Variants in ADAMTS6 observed in about 807,000 individuals in gnomAD.
The protein encoded by ADAMTS6 is A disintegrin and metalloproteinase with thrombospondin motifs 6.
Under a neutral mutation model 144.3 loss-of-function variants are expected in ADAMTS6, and 23 were observed. The observed-to-expected ratio is 0.16, with a 90% CI of 0.11 to 0.23. The LOEUF (loss-of-function observed/expected upper bound fraction) is 0.23, where lower values mean the gene tolerates loss of function less well. Among genes scored for constraint, ADAMTS6 ranks in the 10% least tolerant of loss-of-function variants. The pLI, the probability that ADAMTS6 is intolerant of heterozygous loss-of-function variation, is 1.00. For synonymous variants in ADAMTS6, 444 were observed against 457.5 expected (o/e 0.97, Z 0.38); for missense variants, 999 against 1,379.6 (o/e 0.72, Z 4.37).
chr5:65,434,415 T>C (rs1166908686), intron 7 of ADAMTS6, among the ~76,000 whole-genome samples: 1 of 152,210 alleles, frequency 6.6e-6, no homozygotes, highest in African/African-American at 2.4e-5. Flanking sequence ...AATTATACAA[T>C]TCACTCAGGC....
At chr5:65,253,947 C>T (rs930233082) in intron 14 of ADAMTS6, among the ~76,000 whole-genome samples, 1 of 149,618 alleles carries the variant, frequency 6.7e-6, no homozygotes, top group Non-Finnish European at 1.5e-5. Flanking sequence ...CCCACTCAAG[C>T]AATCCTCCCA....
chr5:65,461,267 G>C (rs1011397121), intron 3 of ADAMTS6, among the ~76,000 whole-genome samples: 1 of 152,138 alleles, frequency 6.6e-6, no homozygotes, highest in Non-Finnish European at 1.5e-5. Context: ...ACACTGCTTT[G>C]TTACATCTCA....
intron 9 of ADAMTS6, among the ~76,000 whole-genome samples, chr5:65,328,191 T>C (rs986053286): frequency 7.2e-5 from 11 of 152,202 alleles, no homozygotes; most frequent in Admixed American, 3.3e-4. Flanking sequence ...TAAAATTTGA[T>C]TGCAATTTTG....
At chr5:65,445,027 A>G (rs1212140896) in intron 7 of ADAMTS6, among the ~76,000 whole-genome samples, 4 of 152,218 alleles carry the variant, frequency 2.6e-5, no homozygotes, top group Non-Finnish European at 5.9e-5. Context: ...ACATACATCA[A>G]TACATCCATA....
chr5:65,389,309 C>CA (rs1752726484), intron 7 of ADAMTS6, among the ~76,000 whole-genome samples: 1 of 152,126 alleles, frequency 6.6e-6, no homozygotes, highest in African/African-American at 2.4e-5. Flanking sequence ...TACTAAGCCT[C>CA]AGAGAAACCT....
In ADAMTS6 at chr5:65,468,365, G is replaced by A. The variant is rs77616014; in HGVS notation, c.462+2413C>T. On this transcript the variant is annotated intron_variant, in intron 3 of 24. Coordinates refer to ENST00000381055, the MANE Select transcript of ADAMTS6 (RefSeq NM_197941.4). ...TTTGATTAAAAATGTAACATCCATA[G>A]GAGGTGGAGGTTGCAGTGAGCCAAG... is the stretch of plus-strand genomic sequence containing the variant. Among the ~76,000 whole-genome samples, 629 of 151,510 alleles carry A rather than the reference G, an allele frequency of 4.2e-3. 3 individuals are homozygous for A. Among genetic ancestry groups the A allele is most frequent in the African/African-American group, 0.014 (582 of 41,298 alleles).
intron 20 of ADAMTS6, among the ~76,000 whole-genome samples, chr5:65,199,755 G>A (rs1479829089): frequency 6.6e-6 from 1 of 152,120 alleles, no homozygotes; most frequent in African/African-American, 2.4e-5. Flanking sequence ...ATTCAACAGA[G>A]ATAGTTACTA....
intron 9 of ADAMTS6, among the ~76,000 whole-genome samples, chr5:65,307,822 T>C (rs991748461): frequency 1.3e-5 from 2 of 152,224 alleles, no homozygotes; most frequent in Admixed American, 6.5e-5. Context: ...TCTGAGAAAC[T>C]AAACCACTTG....
intron 14 of ADAMTS6, 136 bp from the exon 15 acceptor site, chr5:65,242,342 GT>G: frequency 1.9e-6 from 1 of 531,078 alleles, no homozygotes; most frequent in Non-Finnish European, 3.2e-6. Flanking sequence ...TTGCTTTACT[GT>G]TTTACAATCC....
At chr5:65,182,289 A>G (rs181333305) in intron 22 of ADAMTS6, among the ~76,000 whole-genome samples, 98 of 151,988 alleles carry the variant, frequency 6.4e-4, no homozygotes, top group Non-Finnish European at 1.1e-3. Context: ...TCTACTAAAA[A>G]TACAAAAAAA....
At chr5:65,302,167 TATG>T (rs932736685) in intron 9 of ADAMTS6, among the ~76,000 whole-genome samples, 12 of 144,792 alleles carry the variant, frequency 8.3e-5, no homozygotes, top group Admixed American at 2.1e-4. Flanking sequence ...TATATATTTA[TATG>T]ATATTATACA....
chr5:65,159,234 A>G (rs1752607775), intron 24 of ADAMTS6, among the ~76,000 whole-genome samples: 1 of 152,100 alleles, frequency 6.6e-6, no homozygotes, highest in Non-Finnish European at 1.5e-5. Context: ...CTGGACTCTT[A>G]GAAAAATTCT....
At chr5:65,349,609 C>G (rs907208341) in intron 7 of ADAMTS6, among the ~76,000 whole-genome samples, 10 of 152,040 alleles carry the variant, frequency 6.6e-5, no homozygotes, top group Non-Finnish European at 1.5e-4. Context: ...AATCCCAGCA[C>G]TTTGGGAGGC....
intron 20 of ADAMTS6, among the ~76,000 whole-genome samples, chr5:65,202,254 A>C (rs920484182): frequency 8.5e-5 from 13 of 152,204 alleles, no homozygotes; most frequent in African/African-American, 3.1e-4. Context: ...GTCCTAAGTA[A>C]ACAAAGGATG....
At chr5:65,428,469 C>T (rs1370127033) in intron 7 of ADAMTS6, among the ~76,000 whole-genome samples, 2 of 151,982 alleles carry the variant, frequency 1.3e-5, no homozygotes, top group African/African-American at 4.8e-5. Context: ...AATCATTATT[C>T]TTCTACAACT....
intron 1 of ADAMTS6, among the ~76,000 whole-genome samples, chr5:65,477,608 T>C (rs1760929212): frequency 6.6e-6 from 1 of 152,166 alleles, no homozygotes; most frequent in South Asian, 2.1e-4. Context: ...ACTATATGAT[T>C]TAAGGATTTG....
At chr5:65,246,685 G>A (rs1373844621) in intron 14 of ADAMTS6, among the ~76,000 whole-genome samples, 2 of 152,156 alleles carry the variant, frequency 1.3e-5, no homozygotes, top group African/African-American at 4.8e-5. Context: ...AGGCAGGAGT[G>A]TATTCAGGGT....
intron 4 of ADAMTS6, among the ~76,000 whole-genome samples, chr5:65,457,745 C>CT (rs1180960588): frequency 0.035 from 3,392 of 97,394 alleles, 139 homozygotes; most frequent in African/African-American, 0.11. Flanking sequence ...TTCTTTCTTT[C>CT]TTTTTTTTTT....
intron 24 of ADAMTS6, among the ~76,000 whole-genome samples, chr5:65,164,180 T>C (rs1752982974): frequency 1.3e-5 from 2 of 151,770 alleles, no homozygotes; most frequent in Admixed American, 1.3e-4. Flanking sequence ...GCGCGCACCG[T>C]GCGCGAGCCG....
Sources: allele counts gnomAD v4.1 joint callset (sites outside exome capture counted in the v4.1 genomes callset), GRCh38; gene constraint gnomAD v4.1.1; transcripts MANE v1.5; gene names NCBI Gene and HGNC (gene_info 2026-07-23, HGNC 2026-07-21).